USP35: variants seen among roughly 807,000 people sequenced by gnomAD.
USP35 encodes ubiquitin carboxyl-terminal hydrolase 35.
USP35 carries 69 observed loss-of-function variants against 83.8 expected under a neutral mutation model. The observed-to-expected ratio is 0.82, with a 90% CI of 0.68 to 1.01. The LOEUF is 1.01. Ranked by LOEUF, USP35 falls within the 50% of genes least tolerant of loss-of-function variation. The pLI, the probability that USP35 is intolerant of heterozygous loss-of-function variation, is 0.00. For missense variants in USP35, 1,503 were observed against 1,362.5 expected (o/e 1.10, Z -1.62); for synonymous variants, 714 against 589.5 (o/e 1.21, Z -3.06).
At chr11:78,222,512 CTATA>C in the USP35 span, among the ~76,000 whole-genome samples, 1 of 148,204 alleles carries the variant, frequency 6.7e-6, no homozygotes, top group Non-Finnish European at 1.5e-5. Context: ...AAATAAAAGA[CTATA>C]TATAAAATAT....
the USP35 span, among the ~76,000 whole-genome samples, chr11:78,232,524 G>A: frequency 5.9e-5 from 9 of 152,304 alleles, no homozygotes; most frequent in African/African-American, 1.9e-4. Context: ...AACTCTTTCC[G>A]TTGGCAATAG....
intron 3 of USP35, chr11:78,199,340 A>T: frequency 2.1e-6 from 1 of 472,126 alleles, no homozygotes; most frequent in South Asian, 2.4e-5. Context: ...CCCAGTGTGG[A>T]GGGGCGAGAC....
chr11:78,232,605 G>C, the USP35 span, among the ~76,000 whole-genome samples: 1 of 152,166 alleles, frequency 6.6e-6, no homozygotes. Flanking sequence ...AGTTATTTTA[G>C]CAAGAATACA....
At chr11:78,205,798 C>T (rs1219481048) in intron 6 of USP35, 44 bp from the exon 7 acceptor site, 1 of 1,570,894 alleles carries the variant, frequency 6.4e-7, no homozygotes, top group Non-Finnish European at 8.7e-7. Flanking sequence ...TTTGAGCTGA[C>T]CCTGGTGCCC....
At chr11:78,226,620 G>GCCCC in the USP35 span, 3 of 1,500,532 alleles carry the variant, frequency 2.0e-6, no homozygotes, top group Non-Finnish European at 2.8e-6. Context: ...GCGGGGTGGG[G>GCCCC]GAGCTATGGC....
At chr11:78,192,704 A>T (rs771096071) in intron 1 of USP35, among the ~76,000 whole-genome samples, 8 of 152,200 alleles carry the variant, frequency 5.3e-5, no homozygotes, top group Non-Finnish European at 1.0e-4. Context: ...TGCCAGGCTT[A>T]TGTGGTGTTA....
intron 3 of USP35, chr11:78,199,317 T>C (rs1236969802): frequency 2.6e-6 from 1 of 390,776 alleles, no homozygotes; most frequent in Non-Finnish European, 4.8e-6. Flanking sequence ...AAAGCCTTGT[T>C]CTGGCATTGC....
chr11:78,208,991 T>TC, intron 9 of USP35, 28 bp downstream of exon 9: 3 of 1,609,212 alleles, frequency 1.9e-6, no homozygotes, highest in Non-Finnish European at 2.6e-6. Flanking sequence ...ACGCGAAGAC[T>TC]CCAGGTCTAG....
chr11:78,212,498 G>T (rs1863824955), intron 10 of USP35, among the ~76,000 whole-genome samples: 2 of 152,198 alleles, frequency 1.3e-5, no homozygotes, highest in Admixed American at 1.3e-4. Context: ...AACGGGAATA[G>T]CATTGAATCT....
chr11:78,214,652 TAACCGAAGACAAGA>T lies in USP35; in HGVS notation c.*840_*853del, dbSNP rs1160700760. ...ACTGCTGTAGCCCCCTTCTAACTTCTAACCGAAGACAAGACAGACACCCATGTTCATAAATAAAT... is the reference window on the plus strand; with the variant it reads ...ACTGCTGTAGCCCCCTTCTAACTTCTCAGACACCCATGTTCATAAATAAAT... On this transcript the variant is annotated 3_prime_UTR_variant, in exon 11 of 11. Transcript: ENST00000529308. 6.6e-6 allele frequency: 1 copy of T among 151,444 alleles called. No individual in the cohort carries two copies. The highest frequency in any genetic ancestry group is 1.5e-5 in the Non-Finnish European group (1 of 67,934). The allele number at this position is 151,444 out of a possible 1,614,324, so 9.4% of individuals were successfully genotyped here.
chr11:78,216,190 C>CATCTCCCT (rs1382684898), downstream of USP35: 1 of 152,458 alleles, frequency 6.6e-6, no homozygotes, highest in African/African-American at 2.4e-5. Flanking sequence ...AAGGAGACAC[C>CATCTCCCT]ATCTCCCTAT....
Position 78,196,825 on chromosome 11 carries a change from C to G in USP35, c.580C>G (p.Gln194Glu), listed in dbSNP as rs1461153947. ...GAVEFLEQAQ[Q>E]VSGLLAQLWR... ...CGTGGAGTTCCTAGAGCAGGCCCAGCAGGTGAGCGGGCTCCTGGCGCAGCT... is the reference window on the plus strand; with the variant it reads ...CGTGGAGTTCCTAGAGCAGGCCCAGGAGGTGAGCGGGCTCCTGGCGCAGCT... Residue 194 changes from glutamine to glutamate, a missense_variant, in exon 2 of 11, where the codon CAG becomes GAG. By Grantham distance (29) the Gln-to-Glu change is conservative. Transcript: ENST00000529308. This position sits in a 1 kb window ranked among gnomAD's most constrained non-coding sequence, Gnocchi z 4.8. The G allele has an allele frequency of 6.5e-7, 1 of 1,532,280 alleles. No individual in the cohort carries two copies. The highest frequency in any genetic ancestry group is 1.4e-5 in the African/African-American group (1 of 72,874). 94.9% of individuals were successfully genotyped at this position (1,532,280 alleles called of 1,614,324 possible).
In USP35 at chr11:78,205,994, C is replaced by G; in HGVS notation, c.1350C>G (p.Cys450Trp). Residue 450 changes from cysteine to tryptophan, a missense_variant, in exon 7 of 11, where the codon TGC becomes TGG. Transcript: ENST00000529308. ...GTCTCATCAACCTGGGCAACACATG[C>G]TATGTCAACAGCATCCTTCAGGCCT... is the stretch of plus-strand genomic sequence containing the variant. ...KIGLINLGNT[C>W]YVNSILQALF... 6.2e-7 allele frequency: 1 copy of G among 1,614,220 alleles called. No individual in the cohort carries two copies.
At chr11:78,222,898 C>G in the USP35 span, among the ~76,000 whole-genome samples, 2 of 152,296 alleles carry the variant, frequency 1.3e-5, no homozygotes, top group East Asian at 1.9e-4. Flanking sequence ...GCCAAGAGAC[C>G]ATATTTGAAG....
At chr11:78,203,931 T>C (rs59183585) in intron 6 of USP35, among the ~76,000 whole-genome samples, 3,653 of 122,058 alleles carry the variant, frequency 0.03, 185 homozygotes, top group African/African-American at 0.11. Context: ...CGCTCTGTCG[T>C]CCAGGCTGGA....
At chr11:78,222,143 G>A in the USP35 span, 31 of 1,613,976 alleles carry the variant, frequency 1.9e-5, no homozygotes, top group South Asian at 3.2e-4. Flanking sequence ...GTGACTTGAA[G>A]GGGAGTTCAT....
In USP35 at chr11:78,210,632, G is replaced by A. The variant is rs771087419; in HGVS notation, c.2777G>A (p.Arg926Gln). The A allele has an allele frequency of 2.5e-5, 40 of 1,614,012 alleles. No individual in the cohort carries two copies. Among genetic ancestry groups the A allele is most frequent in the Non-Finnish European group, 3.0e-5 (35 of 1,179,982 alleles). ...GCCTATGTGCTGTTTTACCGGCAGC[G>A]GCCCAGGGAGGGGCCCGAGGCTGAG... Reference protein sequence around the residue: ...DTAYVLFYRQRPREGPEAELG... With the variant: ...DTAYVLFYRQQPREGPEAELG... Residue 926 changes from arginine to glutamine, a missense_variant, in exon 10 of 11, where the codon CGG becomes CAG. Physicochemically the swap from Arg to Gln is conservative, Grantham distance 43. Coordinates refer to ENST00000529308, the MANE Select transcript of USP35 (RefSeq NM_020798.4).
chr11:78,203,113 A>G (rs540345548), intron 6 of USP35, among the ~76,000 whole-genome samples: 100 of 152,256 alleles, frequency 6.6e-4, no homozygotes, highest in African/African-American at 2.4e-3. Flanking sequence ...GGGAGTCTGC[A>G]CATACCTGTA....
chr11:78,228,382 A>G, the USP35 span, among the ~76,000 whole-genome samples: 1 of 152,234 alleles, frequency 6.6e-6, no homozygotes, highest in South Asian at 2.1e-4. Context: ...TTTGGAGGCT[A>G]TAGGAGTTTT....
Sources: gnomAD v4.1 joint callset for allele counts (sites outside exome capture counted in the v4.1 genomes callset) on GRCh38, gnomAD v4.1.1 for gene constraint, Gnocchi (gnomAD v3.1) non-coding constraint, MANE v1.5 for transcripts, NCBI Gene and HGNC (gene_info 2026-07-23, HGNC 2026-07-21) for gene names.